Variants in BACH2 observed in about 807,000 individuals in gnomAD.
The protein encoded by BACH2 is BACH transcriptional regulator 2.
In BACH2, 5 loss-of-function variants were observed where a neutral mutation model predicts 61.8. The ratio of observed to expected loss-of-function variants is 0.08; its 90% CI spans 0.04 to 0.17. The LOEUF is 0.17. Among genes scored for constraint, BACH2 ranks in the 10% least tolerant of loss-of-function variants. The pLI is 1.00. For synonymous variants in BACH2, 446 were observed against 440.1 expected, an observed-to-expected ratio of 1.01 and a Z score of -0.17; for missense variants, 824 against 1,091.1, an observed-to-expected ratio of 0.76 and a Z score of 3.45.
intron 6 of BACH2, among the ~76,000 whole-genome samples, chr6:89,999,616 T>A (rs949501536): frequency 3.3e-5 from 5 of 152,188 alleles, no homozygotes; most frequent in Non-Finnish European, 7.3e-5. Context: ...AAAATAATAG[T>A]TATGATGACT....
At chr6:90,147,728 C>A (rs773109320) in intron 4 of BACH2, among the ~76,000 whole-genome samples, 1 of 152,152 alleles carries the variant, frequency 6.6e-6, no homozygotes, top group East Asian at 1.9e-4. Context: ...TTCTCCTGAG[C>A]ACCGTAATTG....
intron 4 of BACH2, among the ~76,000 whole-genome samples, chr6:90,192,138 A>G (rs1158492433): frequency 1.3e-5 from 2 of 152,220 alleles, no homozygotes; most frequent in Non-Finnish European, 2.9e-5. Context: ...AAAATCTTAC[A>G]TTACATATTA....
chr6:90,225,002 A>G (rs1408505307), intron 3 of BACH2, among the ~76,000 whole-genome samples: 1 of 152,184 alleles, frequency 6.6e-6, no homozygotes, highest in Non-Finnish European at 1.5e-5. Flanking sequence ...TCATCCATTA[A>G]TTCATTCAAC....
At chr6:90,253,452 G>A (rs906399263) in intron 2 of BACH2, among the ~76,000 whole-genome samples, 1 of 152,114 alleles carries the variant, frequency 6.6e-6, no homozygotes. Context: ...AATTATTTTC[G>A]ATATAGAAAT....
At chr6:90,019,965 G>C (rs184930795) in intron 5 of BACH2, among the ~76,000 whole-genome samples, 1 of 152,312 alleles carries the variant, frequency 6.6e-6, no homozygotes, top group East Asian at 1.9e-4. Context: ...ACTTACTTGA[G>C]AGCTTTGGAA....
At chr6:90,275,508 TTAAC>T (rs1414601195) in intron 1 of BACH2, among the ~76,000 whole-genome samples, 4 of 152,250 alleles carry the variant, frequency 2.6e-5, no homozygotes, top group Non-Finnish European at 4.4e-5. Flanking sequence ...TATTATTTAC[TTAAC>T]TTTTACCTTC....
chr6:89,952,538 C>G (rs535212981), intron 6 of BACH2, among the ~76,000 whole-genome samples: 7 of 152,204 alleles, frequency 4.6e-5, no homozygotes, highest in African/African-American at 1.2e-4. Context: ...TGAAATCAAC[C>G]CCTGGCCCAT....
rs1772729191 is a variant in BACH2, at chr6:89,932,606, G to A, written c.2328C>T (p.Pro776=). 1.9e-6 allele frequency: 3 copies of A among 1,614,056 alleles called. No individual in the cohort carries two copies. The highest frequency in any genetic ancestry group is 2.2e-5 in the East Asian group (1 of 44,864). ...TGCTGGGTGCCCAGGGGGGTCCGGG[G>A]GGAGCCGCGCCTGGCTCCAAGCAGC... The part of the protein sequence containing the change: ...VPCCLEPGAA[P]PGPPWAPSNT... The change falls in exon 9 of 9, where the codon CCC becomes CCT. Residue 776 remains proline (P), a synonymous_variant. Coordinates refer to ENST00000257749, the MANE Select transcript of BACH2 (RefSeq NM_021813.4).
chr6:90,167,531 T>C (rs1488807939), intron 4 of BACH2, among the ~76,000 whole-genome samples: 1 of 152,182 alleles, frequency 6.6e-6, no homozygotes, highest in Non-Finnish European at 1.5e-5. Context: ...TAATTTTTTA[T>C]ATTTTTAGTA....
chr6:90,212,061 C>T (rs1769373514), intron 3 of BACH2, among the ~76,000 whole-genome samples: 1 of 152,156 alleles, frequency 6.6e-6, no homozygotes, highest in Admixed American at 6.5e-5. Flanking sequence ...GCATCTAGGA[C>T]TTAGAAACTT....
intron 5 of BACH2, among the ~76,000 whole-genome samples, chr6:90,036,761 A>G (rs534981120): frequency 1.3e-5 from 2 of 152,292 alleles, no homozygotes; most frequent in African/African-American, 4.8e-5. Flanking sequence ...ACAAATCTTA[A>G]GTGTGTATTC....
At chr6:90,123,565 T>G (rs910347667) in intron 4 of BACH2, among the ~76,000 whole-genome samples, 2 of 150,402 alleles carry the variant, frequency 1.3e-5, no homozygotes, top group African/African-American at 4.9e-5. Flanking sequence ...GGTCAGGAGA[T>G]CGAGACCATC....
At chr6:89,997,418 C>A (rs2127777070) in intron 6 of BACH2, among the ~76,000 whole-genome samples, 1 of 152,302 alleles carries the variant, frequency 6.6e-6, no homozygotes, top group African/African-American at 2.4e-5. Flanking sequence ...CTGGGTGTTC[C>A]ACATTTTTAA....
intron 1 of BACH2, 59 bp downstream of exon 1, chr6:90,296,421 A>C (rs1393429211): frequency 2.0e-5 from 3 of 146,888 alleles, no homozygotes; most frequent in Non-Finnish European, 3.0e-5. Flanking sequence ...CTCCCCCCGC[A>C]AACTTGCCCC....
rs9344983 is a variant in BACH2, at chr6:90,015,394, G to C, written c.-12-6538C>G. On this transcript the variant is annotated intron_variant, in intron 5 of 8. Transcript: ENST00000257749. ...AGCCCACTAATCTGAGATCTTTTTT[G>C]TCTTTTCTAACACAGGCTTTAATGC... 9.1e-3 allele frequency among the ~76,000 whole-genome samples: 1,380 copies of C among 151,788 alleles called. 19 individuals are homozygous for C. The highest frequency in any genetic ancestry group is 0.04 in the East Asian group (204 of 5,158).
chr6:90,220,634 G>A (rs750298586), intron 3 of BACH2, among the ~76,000 whole-genome samples: 1 of 152,140 alleles, frequency 6.6e-6, no homozygotes, highest in Non-Finnish European at 1.5e-5. Context: ...GCTGCATGTA[G>A]GTTTTTAGAG....
At chr6:90,098,445 A>G (rs759053848) in intron 4 of BACH2, among the ~76,000 whole-genome samples, 4 of 152,218 alleles carry the variant, frequency 2.6e-5, no homozygotes, top group Non-Finnish European at 5.9e-5. Flanking sequence ...AAAAATTAGG[A>G]GTGCCAGACC....
Position 90,035,272 on chromosome 6 carries a change from G to A in BACH2, c.-12-26416C>T, listed in dbSNP as rs1779207293. 2.0e-5 allele frequency among the ~76,000 whole-genome samples: 3 copies of A among 152,028 alleles called. No homozygotes were observed. In the South Asian group the frequency reaches 6.2e-4, roughly 31 times the overall value. On this transcript the variant is annotated intron_variant, in intron 5 of 8. Coordinates refer to ENST00000257749, the MANE Select transcript of BACH2 (RefSeq NM_021813.4). ...AGAATGAAAATACACTCAGCTGCTAGAAATACTCACTCTGCTCTGCTTGCA... is the reference window on the plus strand; with the variant it reads ...AGAATGAAAATACACTCAGCTGCTAAAAATACTCACTCTGCTCTGCTTGCA...
Position 90,008,525 on chromosome 6 carries a change from C to A in BACH2, c.243+77G>T. 1 of 1,575,572 alleles carries A rather than the reference C, an allele frequency of 6.3e-7. No individual in the cohort carries two copies. The highest frequency in any genetic ancestry group is 8.6e-7 in the Non-Finnish European group (1 of 1,158,006). On this transcript the variant is annotated intron_variant, in intron 6 of 8. Transcript: ENST00000257749. The surrounding 1 kb of genome is among the most constrained non-coding windows in gnomAD (Gnocchi z 4.1). ...AGTGGGGACATGGCACCTAGTACAT[C>A]TTCTAGCTCCTAGTCAGCCAGTTTT...
Sources: gnomAD v4.1 joint callset for allele counts (sites outside exome capture counted in the v4.1 genomes callset) on GRCh38, gnomAD v4.1.1 for gene constraint, Gnocchi (gnomAD v3.1) non-coding constraint, MANE v1.5 for transcripts, NCBI Gene and HGNC (gene_info 2026-07-23, HGNC 2026-07-21) for gene names.